The following MYO16 variants were observed in gnomAD, a reference collection of about 807,000 sequenced individuals.
The protein encoded by MYO16 is unconventional myosin-XVI.
Under a neutral mutation model 205.3 loss-of-function variants are expected in MYO16, and 94 were observed. The observed-to-expected ratio is 0.46, with a 90% CI of 0.39 to 0.54. The LOEUF (loss-of-function observed/expected upper bound fraction) is 0.54. Among genes scored for constraint, MYO16 ranks in the 20% least tolerant of loss-of-function variants. MYO16 has a pLI of 0.00. For missense variants in MYO16, 2,315 were observed against 2,387.5 expected (o/e 0.97, Z 0.63); for synonymous variants, 988 against 954.0 (o/e 1.04, Z -0.66).
chr13:109,046,483 G>A (rs1440968838), intron 23 of MYO16, among the ~76,000 whole-genome samples: 1 of 152,176 alleles, frequency 6.6e-6, no homozygotes, highest in Non-Finnish European at 1.5e-5. Flanking sequence ...AGACTTAAGA[G>A]TACTAATTCT....
Position 109,026,285 on chromosome 13 carries a change from T to G in MYO16, c.2796+6374T>G, listed in dbSNP as rs1183439315. On this transcript the variant is annotated intron_variant, in intron 23 of 34. Transcript: ENST00000457511. ...TTGAGATGAGGAGATGATTCTGGCT[T>G]ATCTGGGTGGTCTCTACGTCCAAAA... 2.6e-5 allele frequency among the ~76,000 whole-genome samples: 4 copies of G among 152,170 alleles called. No individual in the cohort carries two copies. The East Asian group carries it at 7.7e-4, about 29-fold the overall frequency.
At position 108,876,088 on chromosome 13, in the gene MYO16, C is replaced by A. The variant is rs543477672; in HGVS notation, c.1426-6971C>A. Reference sequence around the variant, plus strand: ...GTTAGTACAAGTTTTCAAACAAGAACAGAAATTAGATCTGCTGGACAAGCT... The same window carrying A: ...GTTAGTACAAGTTTTCAAACAAGAAAAGAAATTAGATCTGCTGGACAAGCT... On this transcript the variant is annotated intron_variant, in intron 12 of 34. Transcript: ENST00000457511. Among the ~76,000 whole-genome samples the A allele has an allele frequency of 2.7e-5, 4 of 149,810 alleles. No homozygotes were observed. In the South Asian group the frequency reaches 8.4e-4, roughly 31 times the overall value.
chr13:108,628,816 C>T (rs774900201), upstream of MYO16, among the ~76,000 whole-genome samples: 9 of 152,138 alleles, frequency 5.9e-5, no homozygotes, highest in Non-Finnish European at 1.0e-4. Flanking sequence ...CCTATAACCT[C>T]AAACCTGAAA....
the MYO16 span, among the ~76,000 whole-genome samples, chr13:108,562,488 T>C: frequency 2.6e-5 from 4 of 152,152 alleles, no homozygotes; most frequent in Non-Finnish European, 5.9e-5. Flanking sequence ...TGGTCCACCA[T>C]TGGATGCAGG....
At chr13:109,165,227 T>C (rs1238477075) in intron 33 of MYO16, among the ~76,000 whole-genome samples, 168 bp downstream of exon 33, 1 of 152,226 alleles carries the variant, frequency 6.6e-6, no homozygotes, top group South Asian at 2.1e-4. Flanking sequence ...TATGATTGCT[T>C]CAGTTAAAGA....
chr13:108,874,819 C>G (rs935148449), intron 12 of MYO16, among the ~76,000 whole-genome samples: 1 of 151,892 alleles, frequency 6.6e-6, no homozygotes, highest in East Asian at 1.9e-4. Flanking sequence ...AAATAGGACA[C>G]CTACCCAGGC....
intron 23 of MYO16, among the ~76,000 whole-genome samples, chr13:109,023,670 A>AATATATGTATATGT (rs1886222294): frequency 1.5e-5 from 1 of 64,874 alleles, no homozygotes; most frequent in Non-Finnish European, 3.2e-5. Context: ...TATATATGCA[A>AATATATGTATATGT]ATATATGTAT....
intron 16 of MYO16, among the ~76,000 whole-genome samples, chr13:108,915,186 G>A (rs575550992): frequency 2.3e-4 from 35 of 152,156 alleles, no homozygotes; most frequent in Non-Finnish European, 5.0e-4. Flanking sequence ...AGGCTTAGCT[G>A]CATGAAAACA....
At chr13:109,060,486 G>A (rs1343614319) in intron 27 of MYO16, among the ~76,000 whole-genome samples, 1 of 151,958 alleles carries the variant, frequency 6.6e-6, no homozygotes, top group Non-Finnish European at 1.5e-5. Flanking sequence ...GCCTGTCGGG[G>A]GCTGGGGGGC....
intron 2 of MYO16, among the ~76,000 whole-genome samples, chr13:108,695,112 CA>C (rs1402977082): frequency 5.9e-5 from 9 of 152,110 alleles, no homozygotes; most frequent in Admixed American, 1.3e-4. Flanking sequence ...AACTCCGTTT[CA>C]AAAAACAAAC....
At chr13:108,939,959 G>C (rs750024871) in intron 16 of MYO16, among the ~76,000 whole-genome samples, 1 of 152,118 alleles carries the variant, frequency 6.6e-6, no homozygotes. Context: ...TAGGCATGTT[G>C]CAGTATCTCA....
intron 20 of MYO16, among the ~76,000 whole-genome samples, chr13:108,975,998 C>CCTTA (rs1300654840): frequency 6.6e-6 from 1 of 151,972 alleles, no homozygotes; most frequent in Non-Finnish European, 1.5e-5. Context: ...TGCAATTCAC[C>CCTTA]CTTAACATTC....
At chr13:108,523,494 C>G in the MYO16 span, among the ~76,000 whole-genome samples, 1 of 152,150 alleles carries the variant, frequency 6.6e-6, no homozygotes, top group Admixed American at 6.5e-5. Context: ...CTCCTTAGCA[C>G]CAGTTTGTTC....
the MYO16 span, among the ~76,000 whole-genome samples, chr13:108,506,227 T>C: frequency 2.6e-5 from 4 of 152,146 alleles, no homozygotes; most frequent in Non-Finnish European, 5.9e-5. Flanking sequence ...TAGGATTATG[T>C]TGAATTTGTG....
intron 4 of MYO16, among the ~76,000 whole-genome samples, chr13:108,764,166 T>C (rs1415560116): frequency 6.6e-6 from 1 of 152,170 alleles, no homozygotes; most frequent in Non-Finnish European, 1.5e-5. Flanking sequence ...TTCAACTTTG[T>C]GAGCTTTCTC....
At chr13:108,832,389 G>A (rs533912298) in intron 9 of MYO16, among the ~76,000 whole-genome samples, 30 of 151,954 alleles carry the variant, frequency 2.0e-4, no homozygotes, top group African/African-American at 7.0e-4. Flanking sequence ...TGATCCACCC[G>A]CCTCAGCCTC....
the MYO16 span, among the ~76,000 whole-genome samples, chr13:108,523,713 A>G: frequency 4.9e-4 from 74 of 152,054 alleles, 1 homozygote; most frequent in Non-Finnish European, 7.4e-5. Flanking sequence ...ACATGCATGA[A>G]CCCTACAACA....
Position 108,878,912 on chromosome 13 carries a change from G to C in MYO16, c.1426-4147G>C, listed in dbSNP as rs145898258. 4.1e-4 allele frequency among the ~76,000 whole-genome samples: 63 copies of C among 152,352 alleles called. No homozygotes were observed. In the East Asian group the frequency reaches 0.011, roughly 28 times the overall value. On this transcript the variant is annotated intron_variant, in intron 12 of 34. Coordinates refer to ENST00000457511, the MANE Select transcript of MYO16 (RefSeq NM_001198950.3). ...CATTTCATCTTCACCAACATGTAGG[G>C]TTGCACTGAATTATCTAGTCTGTTT... is the stretch of plus-strand genomic sequence containing the variant.
the MYO16 span, among the ~76,000 whole-genome samples, chr13:108,580,587 G>A: frequency 6.6e-6 from 1 of 152,072 alleles, no homozygotes; most frequent in Non-Finnish European, 1.5e-5. Flanking sequence ...CTCTGTCTTT[G>A]TGCACTCAGT....
Sources: gnomAD v4.1 joint callset for allele counts (sites outside exome capture counted in the v4.1 genomes callset) on GRCh38, gnomAD v4.1.1 for gene constraint, MANE v1.5 for transcripts, NCBI Gene and HGNC (gene_info 2026-07-23, HGNC 2026-07-21) for gene names.